FIGN: variants seen among roughly 807,000 people sequenced by gnomAD.
FIGN encodes fidgetin.
A neutral mutation model predicts 51.3 loss-of-function variants in FIGN; 11 were observed. That is an observed-to-expected ratio of 0.21 (90% CI 0.13 to 0.35). The LOEUF is 0.35. FIGN is among the 10% of genes least tolerant of loss of function. The pLI, the probability that FIGN is intolerant of heterozygous loss-of-function variation, is 1.00. For synonymous variants in FIGN, 407 were observed against 363.2 expected (o/e 1.12, Z -1.37); for missense variants, 857 against 943.6 (o/e 0.91, Z 1.20).
At chr2:163,695,003 T>C (rs976838543) in intron 2 of FIGN, among the ~76,000 whole-genome samples, 1 of 152,160 alleles carries the variant, frequency 6.6e-6, no homozygotes, top group Non-Finnish European at 1.5e-5. Flanking sequence ...GGCCCCAGAC[T>C]GCACTTTCCG....
chr2:163,640,593 C>A (rs1317309861), intron 2 of FIGN, among the ~76,000 whole-genome samples: 2 of 152,044 alleles, frequency 1.3e-5, no homozygotes, highest in Non-Finnish European at 2.9e-5. Context: ...TGTCTAGAAG[C>A]AGAGTTCCTT....
chr2:163,630,202 G>GCAAT (rs1683124407), intron 2 of FIGN, among the ~76,000 whole-genome samples: 1 of 151,822 alleles, frequency 6.6e-6, no homozygotes, highest in African/African-American at 2.4e-5. Context: ...CTAGACACAA[G>GCAAT]CAATCCTCCC....
intron 2 of FIGN, among the ~76,000 whole-genome samples, chr2:163,714,168 CT>C (rs1684631812): frequency 6.6e-6 from 1 of 152,044 alleles, no homozygotes; most frequent in African/African-American, 2.4e-5. Flanking sequence ...TCACTTTTTT[CT>C]TTTACAAAGC....
In FIGN at chr2:163,681,199, C is replaced by A. The variant is rs181073239; in HGVS notation, c.25+53704G>T. On this transcript the variant is annotated intron_variant, in intron 2 of 2. Coordinates refer to ENST00000333129, the MANE Select transcript of FIGN (RefSeq NM_018086.4). ...TAAATAGTTGTTGAATGAACAAATA[C>A]CTGAATGTGAGTGAATGAATGGAAA... 7.2e-5 allele frequency among the ~76,000 whole-genome samples: 11 copies of A among 152,110 alleles called. No homozygotes were observed. The East Asian group carries it at 1.9e-3, about 27-fold the overall frequency.
intron 2 of FIGN, among the ~76,000 whole-genome samples, chr2:163,719,958 C>T (rs776464697): frequency 2.0e-4 from 30 of 152,152 alleles, no homozygotes; most frequent in Non-Finnish European, 5.9e-5. Flanking sequence ...TAATGTTTGT[C>T]ATCACCCAAG....
chr2:163,690,451 C>A (rs996542586), intron 2 of FIGN, among the ~76,000 whole-genome samples: 9 of 152,180 alleles, frequency 5.9e-5, no homozygotes, highest in African/African-American at 2.2e-4. Flanking sequence ...GGGTGAGAAT[C>A]AAAAACTAAT....
At chr2:163,645,992 C>A (rs1030266564) in intron 2 of FIGN, among the ~76,000 whole-genome samples, 5 of 152,168 alleles carry the variant, frequency 3.3e-5, no homozygotes, top group Admixed American at 2.6e-4. Context: ...CACTGTCATG[C>A]AGCAAATTCC....
chr2:163,708,365 G>A (rs1276342016), intron 2 of FIGN, among the ~76,000 whole-genome samples: 1 of 152,102 alleles, frequency 6.6e-6, no homozygotes, highest in African/African-American at 2.4e-5. Flanking sequence ...ATAAAATGTT[G>A]TAGTCCTTTG....
chr2:163,652,343 A>ACACACAC (rs1559009435), intron 2 of FIGN, among the ~76,000 whole-genome samples: 1 of 80,846 alleles, frequency 1.2e-5, no homozygotes, highest in African/African-American at 6.3e-5. Flanking sequence ...TCCATTAACC[A>ACACACAC]ACACACACAC....
intron 2 of FIGN, among the ~76,000 whole-genome samples, chr2:163,714,381 T>C (rs138588430): frequency 6.6e-6 from 1 of 152,174 alleles, no homozygotes; most frequent in African/African-American, 2.4e-5. Context: ...GACTATTGTG[T>C]CTAATCACAT....
intron 2 of FIGN, among the ~76,000 whole-genome samples, chr2:163,630,201 A>G (rs1287973270): frequency 6.6e-6 from 1 of 151,802 alleles, no homozygotes; most frequent in Admixed American, 6.6e-5. Context: ...CCTAGACACA[A>G]GCAATCCTCC....
At position 163,607,641 on chromosome 2, in the gene FIGN, T is replaced by A. The variant is rs927352276; in HGVS notation, c.*1911A>T. On this transcript the variant is annotated 3_prime_UTR_variant, in exon 3 of 3. Coordinates refer to ENST00000333129, the MANE Select transcript of FIGN (RefSeq NM_018086.4). ...GGGCTTCTCATTGCATTTATTTAAA[T>A]TTTTTTAAAAATGTACATCACTTAT... The A allele has an allele frequency of 2.0e-5, 3 of 152,534 alleles. No homozygotes were observed. Among genetic ancestry groups the A allele is most frequent in the Non-Finnish European group, 4.4e-5 (3 of 68,028 alleles). 9.4% of individuals were successfully genotyped at this position (152,534 alleles called of 1,614,324 possible). A position where few individuals can be genotyped will look rare whatever the true frequency, so the allele number is the denominator to read the frequency against.
chr2:163,628,445 T>C (rs1341960577), intron 2 of FIGN, among the ~76,000 whole-genome samples: 1 of 152,166 alleles, frequency 6.6e-6, no homozygotes, highest in South Asian at 2.1e-4. Flanking sequence ...TATATGTCTA[T>C]GCATGGGGGG....
intron 2 of FIGN, among the ~76,000 whole-genome samples, chr2:163,659,559 C>G (rs1683618093): frequency 6.6e-6 from 1 of 152,164 alleles, no homozygotes; most frequent in Non-Finnish European, 1.5e-5. Context: ...TAAGTCCCAT[C>G]AAATGAAACA....
In FIGN at chr2:163,610,646, T is replaced by A. The variant is rs370402484; in HGVS notation, c.1186A>T (p.Ser396Cys). 6.2e-7 allele frequency: 1 copy of A among 1,614,110 alleles called. No individual in the cohort carries two copies. Among genetic ancestry groups the A allele is most frequent in the Non-Finnish European group, 8.5e-7 (1 of 1,180,050 alleles). The change falls in exon 3 of 3, where the codon AGT becomes TGT. Residue 396 changes from serine (S) to cysteine (C), a missense_variant. Transcript: ENST00000333129. The part of the protein sequence containing the change: ...EQQRKFSSQS[S>C]RALTPPSYST... ...TAGGAAGGAGGGGTCAGAGCCCTAC[T>A]GGACTGGCTGCTGAATTTCCTTTGC...
intron 2 of FIGN, chr2:163,612,473 G>T (rs555777971): frequency 2.0e-6 from 2 of 985,088 alleles, no homozygotes; most frequent in East Asian, 1.1e-4. Context: ...TTCGTGGAGT[G>T]CAGCAAAGCA....
At chr2:163,632,283 C>T (rs1010974824) in intron 2 of FIGN, among the ~76,000 whole-genome samples, 1 of 152,140 alleles carries the variant, frequency 6.6e-6, no homozygotes, top group African/African-American at 2.4e-5. Flanking sequence ...ACCTGGAAAG[C>T]GTGGGTTCAA....
At chr2:163,677,393 TG>T in intron 2 of FIGN, among the ~76,000 whole-genome samples, 1 of 152,224 alleles carries the variant, frequency 6.6e-6, no homozygotes, top group East Asian at 1.9e-4. Context: ...GCTGCAATGG[TG>T]TAAATGGTCT....
In FIGN at chr2:163,610,302, G is replaced by C. The variant is rs558707951; in HGVS notation, c.1530C>G (p.Asp510Glu). The C allele has an allele frequency of 2.5e-6, 4 of 1,614,132 alleles. No individual in the cohort carries two copies. In the Admixed American group the frequency reaches 6.7e-5, roughly 27 times the overall value. ...EEVLWPVLRS[D>E]AFSGLTALPR... ...GTAAGGCCGTCAGTCCACTGAACGC[G>C]TCTGACCTCAACACTGGCCATAAAA... The change falls in exon 3 of 3, where the codon GAC (aspartate) becomes GAG (glutamate). Residue 510 changes from aspartate to glutamate, a missense_variant. Transcript: ENST00000333129.
Sources: gnomAD v4.1 joint callset for allele counts (sites outside exome capture counted in the v4.1 genomes callset) on GRCh38, gnomAD v4.1.1 for gene constraint, MANE v1.5 for transcripts, NCBI Gene and HGNC (gene_info 2026-07-23, HGNC 2026-07-21) for gene names.